The following PVT1 variants were observed in gnomAD, a reference collection of about 807,000 sequenced individuals.
PVT1 encodes Pvt1 oncogene, also known as CXCR4/PVT1 fusion.
At chr8:128,053,087 A>G (rs532900322) in intron 4 of PVT1, among the ~76,000 whole-genome samples, 51 of 152,334 alleles carry the variant, frequency 3.3e-4, no homozygotes, top group Non-Finnish European at 5.6e-4. Context: ...TTCTCACTGC[A>G]GTTTGTGCTC....
chr8:127,927,944 G>A (rs1488273636), intron 3 of PVT1, among the ~76,000 whole-genome samples: 3 of 152,218 alleles, frequency 2.0e-5, no homozygotes, highest in Non-Finnish European at 4.4e-5. Context: ...AAAATTCTCA[G>A]TGCGGTTGGT....
chr8:127,991,502 G>C (rs766132179), intron 4 of PVT1, among the ~76,000 whole-genome samples: 1 of 152,120 alleles, frequency 6.6e-6, no homozygotes, highest in Non-Finnish European at 1.5e-5. Flanking sequence ...AGGTGTAGCA[G>C]CCTTTCCAGC....
Position 127,890,393 on chromosome 8 carries a change from G to T in PVT1, n.373-196G>T, listed in dbSNP as rs113341835. ...CAGTTCCCTGTCTGAGAGGTCCTTC[G>T]TACCGCAGGAGAGGCAGCTCTCACC... is the stretch of plus-strand genomic sequence containing the variant. On this transcript the variant is annotated intron_variant and non_coding_transcript_variant, in intron 2 of 10. Transcript: ENST00000651587. 3.4e-3 allele frequency among the ~76,000 whole-genome samples: 523 copies of T among 152,352 alleles called. 2 individuals carry two copies. The highest frequency in any genetic ancestry group is 0.011 in the African/African-American group (478 of 41,578).
Position 127,887,931 on chromosome 8 carries a change from G to GTTTTTTTT in PVT1, n.373-2638_373-2631dup, listed in dbSNP as rs560976785. ...TGGATGCAGAATCTCACTCTATCTT[G>GTTTTTTTT]TTTTTTTTTTTTTTTTTTTTTTTTT... On this transcript the variant is annotated intron_variant and non_coding_transcript_variant, in intron 2 of 10. Coordinates refer to ENST00000651587, the Ensembl canonical transcript of PVT1. Among the ~76,000 whole-genome samples, 93 of 66,586 alleles carry GTTTTTTTT rather than the reference G, an allele frequency of 1.4e-3. 25 individuals carry two copies. The highest frequency in any genetic ancestry group is 3.2e-3 in the South Asian group (4 of 1,246). The allele number at this position is 66,586 out of a possible 152,430, so 43.7% of individuals were successfully genotyped here.
chr8:127,984,991 CT>C (rs1816944773), intron 3 of PVT1, among the ~76,000 whole-genome samples: 1 of 65,776 alleles, frequency 1.5e-5, no homozygotes, highest in Non-Finnish European at 2.9e-5. Context: ...TTCTTTCTTT[CT>C]CTTTCCTTCC....
At chr8:128,061,115 G>T (rs1363899669) in intron 4 of PVT1, among the ~76,000 whole-genome samples, 1 of 152,158 alleles carries the variant, frequency 6.6e-6, no homozygotes, top group East Asian at 1.9e-4. Context: ...TCGCCATGTT[G>T]GCGAGGCTGG....
chr8:127,803,759 C>T (rs1344880035), intron 2 of PVT1, among the ~76,000 whole-genome samples: 1 of 146,454 alleles, frequency 6.8e-6, no homozygotes, highest in Non-Finnish European at 1.5e-5. Flanking sequence ...CTTGCTCTGT[C>T]ATCAAGGCTG....
intron 2 of PVT1, among the ~76,000 whole-genome samples, chr8:127,821,451 TA>T (rs1227749888): frequency 3.3e-5 from 5 of 152,230 alleles, no homozygotes; most frequent in African/African-American, 1.2e-4. Context: ...CTAAGTTAAA[TA>T]AAACATTAAA....
chr8:127,987,565 A>G (rs1318764231), intron 3 of PVT1, among the ~76,000 whole-genome samples: 2 of 152,228 alleles, frequency 1.3e-5, no homozygotes, highest in Admixed American at 1.3e-4. Flanking sequence ...TGGGCTTATA[A>G]TATCCAGAGA....
intron 3 of PVT1, among the ~76,000 whole-genome samples, chr8:127,933,132 A>G (rs1241772401): frequency 6.6e-6 from 1 of 152,002 alleles, no homozygotes; most frequent in Non-Finnish European, 1.5e-5. Flanking sequence ...CTGGAGTGCA[A>G]TGGCACGATC....
intron 4 of PVT1, among the ~76,000 whole-genome samples, chr8:128,004,281 G>C (rs1817220572): frequency 1.3e-5 from 2 of 152,188 alleles, no homozygotes. Context: ...CTGTAAAGCA[G>C]GTCCTTGTAA....
chr8:127,902,032 C>T (rs1466438140), intron 3 of PVT1, among the ~76,000 whole-genome samples: 1 of 151,984 alleles, frequency 6.6e-6, no homozygotes, highest in Non-Finnish European at 1.5e-5. Context: ...AACACTAATA[C>T]AAGATCTTTG....
At chr8:127,860,349 C>T (rs371226649) in intron 2 of PVT1, among the ~76,000 whole-genome samples, 1 of 152,218 alleles carries the variant, frequency 6.6e-6, no homozygotes, top group African/African-American at 2.4e-5. Flanking sequence ...AAGGCAAGCA[C>T]AGGGCTGAGC....
intron 3 of PVT1, among the ~76,000 whole-genome samples, chr8:127,977,716 C>T (rs556298373): frequency 1.0e-4 from 14 of 138,626 alleles, no homozygotes; most frequent in African/African-American, 3.1e-4. Flanking sequence ...GCCTCGGCAA[C>T]GAAGCCAGAC....
chr8:128,073,812 T>C (rs1332925084), intron 5 of PVT1, among the ~76,000 whole-genome samples: 6 of 151,904 alleles, frequency 3.9e-5, no homozygotes, highest in Non-Finnish European at 7.4e-5. Context: ...CTTTTTTTTT[T>C]TTTTTAAGAT....
At chr8:128,050,418 C>T (rs370020262) in intron 4 of PVT1, among the ~76,000 whole-genome samples, 2 of 152,300 alleles carry the variant, frequency 1.3e-5, no homozygotes, top group African/African-American at 2.4e-5. Flanking sequence ...TTAAGTCCAC[C>T]GCAACATCAC....
chr8:128,047,913 A>G (rs1813639858), intron 4 of PVT1, among the ~76,000 whole-genome samples: 1 of 152,224 alleles, frequency 6.6e-6, no homozygotes, highest in African/African-American at 2.4e-5. Flanking sequence ...TAAAAAAATT[A>G]GTGGCTATAT....
In PVT1 at chr8:127,961,303, C is replaced by T. The variant is rs929989336; in HGVS notation, n.783-27859C>T. On this transcript the variant is annotated intron_variant and non_coding_transcript_variant, in intron 3 of 10. Coordinates refer to ENST00000651587, the Ensembl canonical transcript of PVT1. ...GGTCCAAGCTGGTGGCCAGTGGTGA[C>T]GGGGCCTGAGCTGGAGGAGACAGGG... is the stretch of plus-strand genomic sequence containing the variant. Among the ~76,000 whole-genome samples, 5 of 152,184 alleles carry T rather than the reference C, an allele frequency of 3.3e-5. No homozygotes were observed. The East Asian group carries it at 7.7e-4, about 23-fold the overall frequency.
At chr8:127,868,775 A>ATATATATATATACGTATATATATATG (rs1815313639) in intron 2 of PVT1, among the ~76,000 whole-genome samples, 1 of 16,220 alleles carries the variant, frequency 6.2e-5, no homozygotes, top group African/African-American at 8.2e-5. Flanking sequence ...TTTAACATAT[A>ATATATATATATACGTATATATATATG]TATATATATA....
Sources: allele counts gnomAD v4.1 joint callset (sites outside exome capture counted in the v4.1 genomes callset), GRCh38; gene constraint gnomAD v4.1.1; transcripts MANE v1.5; gene names NCBI Gene and HGNC (gene_info 2026-07-23, HGNC 2026-07-21).